The following DCDC1 variants were observed in gnomAD, a reference collection of about 807,000 sequenced individuals.
The protein encoded by DCDC1 is doublecortin domain-containing protein 1.
DCDC1 carries 200 observed loss-of-function variants against 178.3 expected under a neutral mutation model. That is an observed-to-expected ratio of 1.12 (90% CI 1.00 to 1.26). The LOEUF (loss-of-function observed/expected upper bound fraction) is 1.26, where lower values mean the gene tolerates loss of function less well. Ranked by LOEUF, DCDC1 falls within the 50% of genes most tolerant of loss-of-function variation. The pLI is 0.00. For synonymous variants in DCDC1, 690 were observed against 604.8 expected, an observed-to-expected ratio of 1.14 and a Z score of -2.07; for missense variants, 1,983 against 1,749.2, an observed-to-expected ratio of 1.13 and a Z score of -2.38.
chr11:30,883,271 C>T (rs1942850329), intron 36 of DCDC1: 1 of 170,504 alleles, frequency 5.9e-6, no homozygotes, highest in Non-Finnish European at 1.3e-5. Flanking sequence ...TACAGAAATT[C>T]AAATCATTAT....
chr11:31,298,762 A>C (rs1298140477), intron 6 of DCDC1, among the ~76,000 whole-genome samples: 2 of 152,228 alleles, frequency 1.3e-5, no homozygotes, highest in Non-Finnish European at 2.9e-5. Flanking sequence ...AATTAAATAA[A>C]TCTGGATGCT....
chr11:31,016,791 G>C (rs1952507204), intron 20 of DCDC1, among the ~76,000 whole-genome samples: 1 of 152,136 alleles, frequency 6.6e-6, no homozygotes, highest in Non-Finnish European at 1.5e-5. Flanking sequence ...GTGTTTTACT[G>C]TCTGGGGTTC....
chr11:31,066,590 AATGTAAAT>A (rs1385365256), intron 18 of DCDC1, among the ~76,000 whole-genome samples: 2 of 152,220 alleles, frequency 1.3e-5, no homozygotes, highest in East Asian at 3.8e-4. Context: ...TAGAAGATGT[AATGTAAAT>A]ATGTATGTTT....
At chr11:31,097,031 AT>A (rs1396317925) in intron 15 of DCDC1, among the ~76,000 whole-genome samples, 12 of 152,342 alleles carry the variant, frequency 7.9e-5, no homozygotes, top group African/African-American at 2.9e-4. Flanking sequence ...CATTAAAAAC[AT>A]TTTTAAGTCT....
intron 9 of DCDC1, among the ~76,000 whole-genome samples, chr11:31,179,470 A>G (rs981321865): frequency 1.3e-5 from 2 of 152,240 alleles, no homozygotes; most frequent in African/African-American, 4.8e-5. Flanking sequence ...TAGTATGCAT[A>G]AACAATGGAA....
At chr11:31,085,104 C>T (rs1407919929) in intron 17 of DCDC1, among the ~76,000 whole-genome samples, 2 of 151,658 alleles carry the variant, frequency 1.3e-5, no homozygotes, top group East Asian at 3.9e-4. Flanking sequence ...CTCACTGTCT[C>T]CTTCTAAAGT....
intron 1 of DCDC1, among the ~76,000 whole-genome samples, chr11:31,369,116 G>T (rs1952134782): frequency 1.3e-5 from 2 of 151,988 alleles, no homozygotes; most frequent in South Asian, 4.2e-4. Context: ...TCCTTGTTCT[G>T]CCCCTACCCA....
intron 11 of DCDC1, among the ~76,000 whole-genome samples, chr11:31,117,403 A>T (rs1404304939): frequency 6.6e-6 from 1 of 151,948 alleles, no homozygotes; most frequent in Non-Finnish European, 1.5e-5. Flanking sequence ...ATTCTAAACT[A>T]CTATCTTAGC....
intron 20 of DCDC1, among the ~76,000 whole-genome samples, chr11:31,043,151 T>G (rs1590855329): frequency 6.6e-6 from 1 of 152,212 alleles, no homozygotes; most frequent in Non-Finnish European, 1.5e-5. Flanking sequence ...TTTGTGTATC[T>G]AAACATAGTT....
At chr11:30,887,701 C>T (rs1943299253) in intron 36 of DCDC1, among the ~76,000 whole-genome samples, 1 of 152,076 alleles carries the variant, frequency 6.6e-6, no homozygotes. Context: ...CTCCACAGGG[C>T]TTATTTCTCA....
chr11:30,982,947 C>T (rs532279432), intron 20 of DCDC1, among the ~76,000 whole-genome samples: 3 of 152,082 alleles, frequency 2.0e-5, no homozygotes, highest in South Asian at 2.1e-4. Flanking sequence ...AATAAGGGCC[C>T]GACCGTGCTC....
chr11:31,160,265 T>C (rs1265109706), intron 9 of DCDC1, among the ~76,000 whole-genome samples: 1 of 152,216 alleles, frequency 6.6e-6, no homozygotes, highest in Non-Finnish European at 1.5e-5. Context: ...TTTTTAATAT[T>C]TGTTTTTACT....
chr11:30,969,827 A>C (rs1465656978), intron 20 of DCDC1, among the ~76,000 whole-genome samples: 1 of 152,208 alleles, frequency 6.6e-6, no homozygotes, highest in Non-Finnish European at 1.5e-5. Flanking sequence ...ATTTTCTTTA[A>C]AACTGGTAAT....
chr11:31,120,526 C>T (rs905960755), intron 11 of DCDC1, among the ~76,000 whole-genome samples: 1 of 152,120 alleles, frequency 6.6e-6, no homozygotes, highest in African/African-American at 2.4e-5. Context: ...AATAAATATT[C>T]ACTTTCAGAC....
chr11:31,042,952 G>T (rs1422330766), intron 20 of DCDC1, among the ~76,000 whole-genome samples: 1 of 152,162 alleles, frequency 6.6e-6, no homozygotes, highest in Admixed American at 6.5e-5. Flanking sequence ...TAACAAATAA[G>T]TTCAGGGAAA....
intron 2 of DCDC1, among the ~76,000 whole-genome samples, chr11:31,334,760 C>A (rs1225521029): frequency 6.6e-6 from 1 of 152,142 alleles, no homozygotes; most frequent in Non-Finnish European, 1.5e-5. Context: ...GCTGCCTGAT[C>A]CTTCCTCTGG....
chr11:30,935,326 C>T (rs1054884270), intron 21 of DCDC1, among the ~76,000 whole-genome samples: 19 of 152,136 alleles, frequency 1.2e-4, no homozygotes, highest in Non-Finnish European at 4.4e-5. Flanking sequence ...TATTTATCTG[C>T]CTGTGAGAGC....
At chr11:30,954,821 T>C (rs1423201569) in intron 20 of DCDC1, among the ~76,000 whole-genome samples, 1 of 152,218 alleles carries the variant, frequency 6.6e-6, no homozygotes, top group Non-Finnish European at 1.5e-5. Flanking sequence ...TCCATAGTAC[T>C]TGGCCTTGTA....
intron 33 of DCDC1, among the ~76,000 whole-genome samples, chr11:30,900,020 C>T (rs899055547): frequency 4.6e-5 from 7 of 152,044 alleles, no homozygotes; most frequent in African/African-American, 1.7e-4. Context: ...GACAGGTCGT[C>T]CTCAGTGTGA....
Sources: allele counts gnomAD v4.1 joint callset (sites outside exome capture counted in the v4.1 genomes callset), GRCh38; gene constraint gnomAD v4.1.1; transcripts MANE v1.5; gene names NCBI Gene and HGNC (gene_info 2026-07-23, HGNC 2026-07-21).